The following SLC35F3 variants were observed in gnomAD, a reference collection of about 807,000 sequenced individuals.
SLC35F3 encodes the protein putative thiamine transporter SLC35F3.
Under a neutral mutation model 49.9 loss-of-function variants are expected in SLC35F3, and 25 were observed. That is an observed-to-expected ratio of 0.50 (90% CI 0.37 to 0.70). The LOEUF is 0.70. SLC35F3 is among the 30% of genes least tolerant of loss of function. The probability of loss-of-function intolerance (pLI) is 0.00; values close to 1 mark genes in which losing one functional copy is unlikely to be tolerated. For synonymous variants in SLC35F3, 275 were observed against 265.4 expected, an observed-to-expected ratio of 1.04 and a Z score of -0.35; for missense variants, 525 against 639.8, an observed-to-expected ratio of 0.82 and a Z score of 1.94.
intron 2 of SLC35F3, among the ~76,000 whole-genome samples, chr1:234,230,176 T>C (rs1322778349): frequency 6.6e-6 from 1 of 152,258 alleles, no homozygotes. Flanking sequence ...AACCATGTAA[T>C]GCTTCGGTTT....
At chr1:234,013,421 T>A (rs1022615579) in intron 2 of SLC35F3, among the ~76,000 whole-genome samples, 10 of 151,540 alleles carry the variant, frequency 6.6e-5, no homozygotes, top group Non-Finnish European at 1.2e-4. Context: ...CCTAATGTTA[T>A]ACCTCAAGGA....
At chr1:234,191,186 C>A (rs1248314303) in intron 2 of SLC35F3, among the ~76,000 whole-genome samples, 1 of 152,094 alleles carries the variant, frequency 6.6e-6, no homozygotes, top group Non-Finnish European at 1.5e-5. Context: ...TAAGATAGAC[C>A]ATATGATTGC....
chr1:234,022,816 T>A (rs1663917115), intron 2 of SLC35F3, among the ~76,000 whole-genome samples: 1 of 152,194 alleles, frequency 6.6e-6, no homozygotes, highest in Non-Finnish European at 1.5e-5. Flanking sequence ...TTCTTATTAA[T>A]ATTAATACTA....
At chr1:233,923,182 A>G (rs1453920831) in intron 2 of SLC35F3, among the ~76,000 whole-genome samples, 3 of 152,196 alleles carry the variant, frequency 2.0e-5, no homozygotes, top group Non-Finnish European at 4.4e-5. Context: ...CAATTCTGTG[A>G]AGAAAGTCAT....
At chr1:234,096,078 A>C (rs548202047) in intron 2 of SLC35F3, among the ~76,000 whole-genome samples, 1 of 152,304 alleles carries the variant, frequency 6.6e-6, no homozygotes, top group African/African-American at 2.4e-5. Flanking sequence ...TATGTTTATC[A>C]AAGCAGGCTT....
chr1:234,081,977 G>A lies in SLC35F3; in HGVS notation c.284-149440G>A, dbSNP rs983515465. Reference sequence around the variant, plus strand: ...TCACCATGTTAGCCAGGATGGTCTCGATCTCCTGAACTCGTGATCCACCCA... The same window carrying A: ...TCACCATGTTAGCCAGGATGGTCTCAATCTCCTGAACTCGTGATCCACCCA... On this transcript the variant is annotated intron_variant, in intron 2 of 7. Transcript: ENST00000366618. Among the ~76,000 whole-genome samples the A allele has an allele frequency of 5.1e-4, 63 of 123,942 alleles. 1 individual carries two copies. Among genetic ancestry groups the A allele is most frequent in the African/African-American group, 1.9e-3 (61 of 31,626 alleles). 81.3% of individuals were successfully genotyped at this position (123,942 alleles called of 152,430 possible). A position where few individuals can be genotyped will look rare whatever the true frequency, so the allele number is the denominator to read the frequency against.
chr1:234,062,713 T>C (rs1453462467), intron 2 of SLC35F3, among the ~76,000 whole-genome samples: 1 of 151,544 alleles, frequency 6.6e-6, no homozygotes, highest in Non-Finnish European at 1.5e-5. Flanking sequence ...GGAGCCTTGC[T>C]CTGTCGCCCA....
rs533116410 is a variant in SLC35F3 at position 234,287,116 on chromosome 1, G to A, written c.609-21985G>A. On this transcript the variant is annotated intron_variant, in intron 3 of 7. Coordinates refer to ENST00000366618, the MANE Select transcript of SLC35F3 (RefSeq NM_173508.4). ...TGGGAGGCTGCGGTAGGAAGATCAC[G>A]TGAGCCTGGGAGTTCCAGGCTCCAG... Among the ~76,000 whole-genome samples, 8 of 152,236 alleles carry A rather than the reference G, an allele frequency of 5.3e-5. No homozygotes were observed. The East Asian group carries it at 1.2e-3, about 22-fold the overall frequency.
intron 3 of SLC35F3, among the ~76,000 whole-genome samples, chr1:234,308,381 A>T (rs546344086): frequency 6.2e-4 from 94 of 152,136 alleles, no homozygotes; most frequent in Non-Finnish European, 1.1e-3. Context: ...CACAGGCCAC[A>T]TGTGGTCCAG....
At chr1:234,174,084 G>A (rs139418432) in intron 2 of SLC35F3, among the ~76,000 whole-genome samples, 3 of 152,352 alleles carry the variant, frequency 2.0e-5, no homozygotes, top group East Asian at 3.9e-4. Flanking sequence ...ACAGCTCTGC[G>A]TGGCAGTCCT....
intron 2 of SLC35F3, among the ~76,000 whole-genome samples, chr1:234,101,359 G>A (rs995204960): frequency 1.3e-5 from 2 of 152,110 alleles, no homozygotes; most frequent in Non-Finnish European, 2.9e-5. Context: ...ATGGCACCAT[G>A]TTCTTGCCCA....
intron 2 of SLC35F3, among the ~76,000 whole-genome samples, chr1:234,116,176 G>A (rs1446296759): frequency 6.6e-6 from 1 of 152,216 alleles, no homozygotes; most frequent in Non-Finnish European, 1.5e-5. Context: ...TACCTGTGGA[G>A]ACATCTGGCC....
intron 2 of SLC35F3, among the ~76,000 whole-genome samples, chr1:234,035,689 G>T (rs1305709428): frequency 6.6e-6 from 1 of 152,018 alleles, no homozygotes; most frequent in African/African-American, 2.4e-5. Context: ...AAGCTCCTTA[G>T]ATTTGTTTTA....
At chr1:234,093,691 G>A (rs1026846818) in intron 2 of SLC35F3, among the ~76,000 whole-genome samples, 9 of 152,238 alleles carry the variant, frequency 5.9e-5, no homozygotes, top group African/African-American at 1.9e-4. Flanking sequence ...GTCTGTTTGT[G>A]CAGCTCCAGC....
chr1:233,989,703 GA>G (rs1177085518), intron 2 of SLC35F3, among the ~76,000 whole-genome samples: 1 of 152,004 alleles, frequency 6.6e-6, no homozygotes, highest in African/African-American at 2.4e-5. Context: ...TCAGAAATTA[GA>G]AACAAATTTT....
chr1:234,219,857 C>T (rs1667175827), intron 2 of SLC35F3, among the ~76,000 whole-genome samples: 1 of 152,204 alleles, frequency 6.6e-6, no homozygotes, highest in Admixed American at 6.5e-5. Flanking sequence ...AGGAGTTTGC[C>T]TCTGCCCTGG....
At chr1:233,926,143 G>A (rs1254036929) in intron 2 of SLC35F3, among the ~76,000 whole-genome samples, 3 of 152,032 alleles carry the variant, frequency 2.0e-5, no homozygotes, top group African/African-American at 4.8e-5. Context: ...GTATCTTTGT[G>A]GCATTCTCTG....
intron 2 of SLC35F3, among the ~76,000 whole-genome samples, chr1:234,206,409 T>G (rs1307292613): frequency 4.1e-5 from 6 of 148,108 alleles, no homozygotes; most frequent in Non-Finnish European, 8.9e-5. Flanking sequence ...ACCCAAAGGG[T>G]TCTCACTGTG....
At chr1:233,997,786 C>T (rs1440206951) in intron 2 of SLC35F3, among the ~76,000 whole-genome samples, 1 of 151,628 alleles carries the variant, frequency 6.6e-6, no homozygotes, top group African/African-American at 2.4e-5. Context: ...GAGTGTTACT[C>T]TGTCATCCAG....
Sources: gnomAD v4.1 joint callset for allele counts (sites outside exome capture counted in the v4.1 genomes callset) on GRCh38, gnomAD v4.1.1 for gene constraint, MANE v1.5 for transcripts, NCBI Gene and HGNC (gene_info 2026-07-23, HGNC 2026-07-21) for gene names.